TMEM108: variants seen among roughly 807,000 people sequenced by gnomAD.
TMEM108 encodes the protein transmembrane protein 108, also known as cancer/testis antigen 124.
In TMEM108, 12 loss-of-function variants were observed where a neutral mutation model predicts 35.1. The ratio of observed to expected loss-of-function variants is 0.34; its 90% CI spans 0.22 to 0.55. The LOEUF (loss-of-function observed/expected upper bound fraction) is 0.55, where lower values mean the gene tolerates loss of function less well. TMEM108 is among the 20% of genes least tolerant of loss of function. The probability of loss-of-function intolerance (pLI) is 0.89; values close to 1 mark genes in which losing one functional copy is unlikely to be tolerated. For synonymous variants in TMEM108, 287 were observed against 308.6 expected (o/e 0.93, Z 0.73); for missense variants, 680 against 753.3 (o/e 0.90, Z 1.14).
chr3:133,082,293 G>A (rs909235788), intron 2 of TMEM108, among the ~76,000 whole-genome samples: 1 of 152,214 alleles, frequency 6.6e-6, no homozygotes, highest in African/African-American at 2.4e-5. Context: ...ATAACTGCCA[G>A]CGGCACTGAA....
intron 2 of TMEM108, among the ~76,000 whole-genome samples, chr3:133,111,691 A>T (rs1037435565): frequency 3.9e-5 from 6 of 152,190 alleles, no homozygotes; most frequent in African/African-American, 1.4e-4. Flanking sequence ...CAAAGAATAC[A>T]TGTAGACCCC....
chr3:133,310,034 A>C (rs1167930813), intron 3 of TMEM108, among the ~76,000 whole-genome samples: 1 of 152,004 alleles, frequency 6.6e-6, no homozygotes, highest in African/African-American at 2.4e-5. Flanking sequence ...TTCTAATTTG[A>C]TTGCACTGTG....
At chr3:133,108,412 G>A (rs1432633705) in intron 2 of TMEM108, among the ~76,000 whole-genome samples, 2 of 152,032 alleles carry the variant, frequency 1.3e-5, no homozygotes, top group African/African-American at 4.8e-5. Flanking sequence ...CTGCATAAAT[G>A]TCTTCTTTTG....
rs575987874 is a variant in TMEM108, at chr3:133,074,758, G to A, written c.-47+28738G>A. The stretch of plus-strand genomic sequence containing the variant: ...CCTGCCTTGGCCTCCCAAAGTGCTG[G>A]GATTACAGGCGTGAGCCACTGCACC... On this transcript the variant is annotated intron_variant, in intron 2 of 5. Coordinates refer to ENST00000321871, the MANE Select transcript of TMEM108 (RefSeq NM_023943.4). Among the ~76,000 whole-genome samples the A allele has an allele frequency of 1.4e-4, 21 of 152,092 alleles. No individual in the cohort carries two copies. The South Asian group carries it at 3.7e-3, about 27-fold the overall frequency.
At chr3:133,171,211 C>G (rs1945125742) in intron 2 of TMEM108, among the ~76,000 whole-genome samples, 1 of 152,228 alleles carries the variant, frequency 6.6e-6, no homozygotes, top group Admixed American at 6.5e-5. Context: ...AAGAAGTTAG[C>G]AAAGCTTTAG....
chr3:133,228,733 A>G (rs1946110167), intron 2 of TMEM108, among the ~76,000 whole-genome samples: 1 of 152,168 alleles, frequency 6.6e-6, no homozygotes, highest in Non-Finnish European at 1.5e-5. Context: ...TGGATAATAT[A>G]TATTTTCTTG....
intron 3 of TMEM108, among the ~76,000 whole-genome samples, chr3:133,364,857 T>A (rs941603110): frequency 6.6e-6 from 1 of 152,088 alleles, no homozygotes; most frequent in African/African-American, 2.4e-5. Flanking sequence ...AATCAACACC[T>A]TCAGGAAAGT....
At position 133,057,479 on chromosome 3, in the gene TMEM108, A is replaced by ATATATATATCTATATATATATATC. The variant is rs1559818494; in HGVS notation, c.-47+11466_-47+11467insATCTATATATATATATCTATATAT. Among the ~76,000 whole-genome samples, 10 of 73,152 alleles carry ATATATATATCTATATATATATATC rather than the reference A, an allele frequency of 1.4e-4. 1 individual carries two copies. The highest frequency in any genetic ancestry group is 5.0e-4 in the African/African-American group (10 of 19,906). 48.0% of individuals were successfully genotyped at this position (73,152 alleles called of 152,430 possible). ...TATATATATATATATATATATATATATATATATGTGGGTTTTCATGGAATT... is the reference window on the plus strand; with the variant it reads ...TATATATATATATATATATATATATATATATATATCTATATATATATATCTATATATGTGGGTTTTCATGGAATT... On this transcript the variant is annotated intron_variant, in intron 2 of 5. Transcript: ENST00000321871.
At chr3:133,044,929 AC>A (rs1943316865) in intron 1 of TMEM108, among the ~76,000 whole-genome samples, 1 of 150,174 alleles carries the variant, frequency 6.7e-6, no homozygotes, top group Non-Finnish European at 1.5e-5. Context: ...ACATAGTGAG[AC>A]CCTGTCTCTT....
chr3:133,306,387 T>G (rs2071037867), intron 3 of TMEM108, among the ~76,000 whole-genome samples: 1 of 152,224 alleles, frequency 6.6e-6, no homozygotes, highest in Non-Finnish European at 1.5e-5. Flanking sequence ...TTTATTATAC[T>G]TTAAGTTCTA....
intron 3 of TMEM108, among the ~76,000 whole-genome samples, chr3:133,281,863 A>T (rs528001793): frequency 9.8e-5 from 15 of 152,306 alleles, no homozygotes; most frequent in African/African-American, 3.4e-4. Context: ...ATCCCAAAAG[A>T]TAGACAAGGA....
intron 3 of TMEM108, among the ~76,000 whole-genome samples, chr3:133,261,421 A>G (rs1946620961): frequency 6.6e-6 from 1 of 152,142 alleles, no homozygotes; most frequent in Non-Finnish European, 1.5e-5. Flanking sequence ...ACCCTTTTAA[A>G]AATGCATTTC....
chr3:133,264,553 T>A (rs1946671005), intron 3 of TMEM108, among the ~76,000 whole-genome samples: 1 of 152,186 alleles, frequency 6.6e-6, no homozygotes, highest in African/African-American at 2.4e-5. Flanking sequence ...AAAGATAGCA[T>A]CATTCCTCTG....
chr3:133,119,558 G>A (rs1174547661), intron 2 of TMEM108: 1 of 152,188 alleles, frequency 6.6e-6, no homozygotes, highest in Admixed American at 6.5e-5. Context: ...GACCCACAGA[G>A]CAAATGAATA....
At chr3:133,390,396 G>GCAT in intron 5 of TMEM108, 62 bp downstream of exon 5, 1 of 1,581,996 alleles carries the variant, frequency 6.3e-7, no homozygotes, top group Non-Finnish European at 8.6e-7. Context: ...GAGCCATGGG[G>GCAT]CATCTGCTCA....
rs4602383 is a variant in TMEM108 at position 133,226,822 on chromosome 3, G to A, written c.-46-2444G>A. On this transcript the variant is annotated intron_variant, in intron 2 of 5. Transcript: ENST00000321871. ...ACACTACTAATAAAGACATACCCGCGACTGGGAAATTTACAAAAGAAAGAG... is the reference window on the plus strand; with the variant it reads ...ACACTACTAATAAAGACATACCCGCAACTGGGAAATTTACAAAAGAAAGAG... Among the ~76,000 whole-genome samples the A allele has an allele frequency of 9.2e-5, 14 of 152,252 alleles. No individual in the cohort carries two copies. The East Asian group carries it at 1.3e-3, about 15-fold the overall frequency.
intron 2 of TMEM108, among the ~76,000 whole-genome samples, chr3:133,171,247 T>C (rs769509788): frequency 7.2e-5 from 11 of 152,240 alleles, no homozygotes; most frequent in Non-Finnish European, 1.5e-4. Context: ...GTGATGTGCT[T>C]TCAGAGAGTA....
chr3:133,389,113 C>G, intron 4 of TMEM108: 1 of 985,710 alleles, frequency 1.0e-6, no homozygotes, highest in Non-Finnish European at 1.2e-6. Context: ...CTCTGTCACC[C>G]TTGTCCTTGT....
chr3:133,176,317 T>C lies in TMEM108; in HGVS notation c.-46-52949T>C, dbSNP rs543389401. On this transcript the variant is annotated intron_variant, in intron 2 of 5. Coordinates refer to ENST00000321871, the MANE Select transcript of TMEM108 (RefSeq NM_023943.4). ...GAATTGAACTCAGCTCTGCACCAAG[T>C]GGACCTAATAGACATCTACAGAACT... Among the ~76,000 whole-genome samples the C allele has an allele frequency of 1.2e-4, 18 of 152,284 alleles. 1 individual carries two copies. The highest frequency in any genetic ancestry group is 4.1e-4 in the South Asian group (2 of 4,828).
Sources: gnomAD v4.1 joint callset for allele counts (sites outside exome capture counted in the v4.1 genomes callset) on GRCh38, gnomAD v4.1.1 for gene constraint, MANE v1.5 for transcripts, NCBI Gene and HGNC (gene_info 2026-07-23, HGNC 2026-07-21) for gene names.